The following XYLT1 variants were observed in gnomAD, a reference collection of about 807,000 sequenced individuals.
XYLT1 encodes the protein beta-D-xylosyltransferase 1.
In XYLT1, 36 loss-of-function variants were observed where a neutral mutation model predicts 91.3. The observed-to-expected ratio is 0.39, with a 90% CI of 0.30 to 0.52. The LOEUF is 0.52. Among genes scored for constraint, XYLT1 ranks in the 20% least tolerant of loss-of-function variants. XYLT1 has a pLI of 0.68. For synonymous variants in XYLT1, 588 were observed against 532.0 expected (o/e 1.11, Z -1.45); for missense variants, 1,242 against 1,284.5 (o/e 0.97, Z 0.51).
chr16:17,355,664 T>C (rs2035285466), intron 2 of XYLT1, among the ~76,000 whole-genome samples: 1 of 152,198 alleles, frequency 6.6e-6, no homozygotes, highest in South Asian at 2.1e-4. Context: ...ATGAATATTA[T>C]TGCTTGAGAC....
At position 17,102,039 on chromosome 16, in the gene XYLT1, C is replaced by T. The variant is rs901120565; in HGVS notation, c.*6656G>A. ...TAAAAATCATATACTTCTGCCTCAA[C>T]CAGGAGGTACTTATAGGAGGTTGTT... On this transcript the variant is annotated 3_prime_UTR_variant, in exon 12 of 12. Transcript: ENST00000261381. 2.0e-5 allele frequency: 3 copies of T among 152,174 alleles called. No individual in the cohort carries two copies. Among genetic ancestry groups the T allele is most frequent in the Non-Finnish European group, 4.4e-5 (3 of 68,030 alleles). 9.4% of individuals were successfully genotyped at this position (152,174 alleles called of 1,614,324 possible). A position where few individuals can be genotyped will look rare whatever the true frequency, so the allele number is the denominator to read the frequency against.
At chr16:17,352,761 T>G (rs1393984493) in intron 2 of XYLT1, among the ~76,000 whole-genome samples, 1 of 152,224 alleles carries the variant, frequency 6.6e-6, no homozygotes, top group Non-Finnish European at 1.5e-5. Context: ...TATTACTATC[T>G]GAAGTTACGG....
At chr16:17,134,223 CATGAAGA>C (rs1416729962) in intron 9 of XYLT1, among the ~76,000 whole-genome samples, 1 of 152,098 alleles carries the variant, frequency 6.6e-6, no homozygotes, top group Non-Finnish European at 1.5e-5. Flanking sequence ...ATATATGTAG[CATGAAGA>C]ATGAGTAAAA....
chr16:17,118,965 C>T (rs1406893657), intron 10 of XYLT1, among the ~76,000 whole-genome samples: 3 of 152,118 alleles, frequency 2.0e-5, no homozygotes, highest in Admixed American at 6.5e-5. Context: ...CTTTATCTGA[C>T]CACCCCCCAC....
chr16:17,258,301 G>A (rs1359509290), intron 3 of XYLT1, among the ~76,000 whole-genome samples: 1 of 151,226 alleles, frequency 6.6e-6, no homozygotes, highest in Non-Finnish European at 1.5e-5. Context: ...AAGAGGAAAG[G>A]AGAGAGAAAG....
chr16:17,254,066 G>T (rs1384023596), intron 3 of XYLT1, among the ~76,000 whole-genome samples: 1 of 152,138 alleles, frequency 6.6e-6, no homozygotes, highest in Non-Finnish European at 1.5e-5. Context: ...CTGACAAAAA[G>T]GGTTCACAAT....
At chr16:17,329,175 A>G (rs559511445) in intron 2 of XYLT1, among the ~76,000 whole-genome samples, 1 of 152,202 alleles carries the variant, frequency 6.6e-6, no homozygotes, top group Non-Finnish European at 1.5e-5. Context: ...GTGTTCCAAT[A>G]AAACTCCACT....
At chr16:17,245,099 C>G (rs1365458901) in intron 3 of XYLT1, among the ~76,000 whole-genome samples, 1 of 152,218 alleles carries the variant, frequency 6.6e-6, no homozygotes, top group Non-Finnish European at 1.5e-5. Context: ...ACAAGTGCCA[C>G]TGCTCAGATG....
Position 17,312,662 on chromosome 16 carries a change from CAT to C in XYLT1, c.402+45348_402+45349del, listed in dbSNP as rs1237246569. On this transcript the variant is annotated intron_variant, in intron 2 of 11. Transcript: ENST00000261381. This position sits in a 1 kb window ranked among gnomAD's most constrained non-coding sequence, Gnocchi z 4.4. ...TGTTTTCACCCATTTTCAACATACT[CAT>C]GTGTGTATCCGTGATTCTATTTACT... is the stretch of plus-strand genomic sequence containing the variant. Among the ~76,000 whole-genome samples, 1 of 152,154 alleles carries C rather than the reference CAT, an allele frequency of 6.6e-6. No homozygotes were observed. Among genetic ancestry groups the C allele is most frequent in the Non-Finnish European group, 1.5e-5 (1 of 68,038 alleles).
chr16:17,370,975 T>C (rs1596508359), intron 1 of XYLT1, among the ~76,000 whole-genome samples: 1 of 152,142 alleles, frequency 6.6e-6, no homozygotes, highest in African/African-American at 2.4e-5. Flanking sequence ...CTGTGGGCAT[T>C]GGTGTTTGTA....
chr16:17,355,600 T>C (rs549018988), intron 2 of XYLT1, among the ~76,000 whole-genome samples: 45 of 152,302 alleles, frequency 3.0e-4, no homozygotes, highest in African/African-American at 1.0e-3. Flanking sequence ...GTTTAATATC[T>C]ATTTTAATGT....
intron 3 of XYLT1, among the ~76,000 whole-genome samples, chr16:17,248,128 G>GT (rs1205655792): frequency 2.0e-5 from 3 of 152,112 alleles, no homozygotes; most frequent in African/African-American, 7.2e-5. Context: ...ATGGGGGTGA[G>GT]TTTTTCCCTT....
Position 17,419,091 on chromosome 16 carries a change from T to C in XYLT1, c.363+51343A>G, listed in dbSNP as rs536067789. Among the ~76,000 whole-genome samples, 568 of 152,060 alleles carry C rather than the reference T, an allele frequency of 3.7e-3. 2 individuals carry two copies. Among genetic ancestry groups the C allele is most frequent in the Non-Finnish European group, 6.0e-3 (410 of 67,972 alleles). On this transcript the variant is annotated intron_variant, in intron 1 of 11. Transcript: ENST00000261381. Reference sequence around the variant, plus strand: ...TCAATTTAGCAGTAAGCACGCAGTATAGGGAAAAGTTAATCCACGGACCTC... The same window carrying C: ...TCAATTTAGCAGTAAGCACGCAGTACAGGGAAAAGTTAATCCACGGACCTC...
intron 1 of XYLT1, among the ~76,000 whole-genome samples, chr16:17,403,873 C>T (rs1367177017): frequency 6.6e-6 from 1 of 152,226 alleles, no homozygotes; most frequent in African/African-American, 2.4e-5. Flanking sequence ...TCCAAGACCT[C>T]AGGTTCATAA....
At chr16:17,232,826 G>A (rs2033188158) in intron 3 of XYLT1, among the ~76,000 whole-genome samples, 1 of 152,108 alleles carries the variant, frequency 6.6e-6, no homozygotes. Flanking sequence ...GTTGGCAGCG[G>A]TGGTGATGGT....
At chr16:17,286,477 C>G (rs930537506) in intron 2 of XYLT1, among the ~76,000 whole-genome samples, 7 of 152,256 alleles carry the variant, frequency 4.6e-5, no homozygotes, top group African/African-American at 1.7e-4. Context: ...ATCCACGGAT[C>G]TGCACTGTCA....
chr16:17,416,273 G>C (rs116409579), intron 1 of XYLT1, among the ~76,000 whole-genome samples: 1 of 152,230 alleles, frequency 6.6e-6, no homozygotes, highest in Non-Finnish European at 1.5e-5. Context: ...ACTCCACGGC[G>C]ATGCTATTTC....
chr16:17,173,406 A>G (rs747837678), intron 5 of XYLT1, among the ~76,000 whole-genome samples: 69 of 152,258 alleles, frequency 4.5e-4, no homozygotes, highest in Non-Finnish European at 8.2e-4. Context: ...GCATCCACGT[A>G]CATCCTGGAT....
chr16:17,251,615 G>T (rs939214307), intron 3 of XYLT1, among the ~76,000 whole-genome samples: 10 of 152,216 alleles, frequency 6.6e-5, no homozygotes, highest in Non-Finnish European at 1.3e-4. Flanking sequence ...GCTGGTGGCC[G>T]TGAGGGCCAC....
Sources: allele counts gnomAD v4.1 joint callset (sites outside exome capture counted in the v4.1 genomes callset), GRCh38; gene constraint gnomAD v4.1.1; non-coding constraint Gnocchi (gnomAD v3.1); transcripts MANE v1.5; gene names NCBI Gene and HGNC (gene_info 2026-07-23, HGNC 2026-07-21).